The following DAB1 variants were observed in gnomAD, a reference collection of about 807,000 sequenced individuals.
DAB1 encodes the protein disabled homolog 1.
Under a neutral mutation model 64.6 loss-of-function variants are expected in DAB1, and 15 were observed. The observed-to-expected ratio is 0.23, with a 90% CI of 0.16 to 0.36. DAB1 has a LOEUF of 0.36. DAB1 is among the 10% of genes least tolerant of loss of function. DAB1 has a pLI of 1.00. For synonymous variants in DAB1, 235 were observed against 251.9 expected (o/e 0.93, Z 0.64); for missense variants, 596 against 706.7 (o/e 0.84, Z 1.78).
chr1:58,506,303 A>G, intron 2 of DAB1: 1 of 664,930 alleles, frequency 1.5e-6, no homozygotes, highest in Non-Finnish European at 2.6e-6. Context: ...TATTATAATT[A>G]TACTTTAAGT....
intron 5 of DAB1, among the ~76,000 whole-genome samples, chr1:58,031,462 A>G (rs1354169542): frequency 6.6e-6 from 1 of 152,154 alleles, no homozygotes; most frequent in Non-Finnish European, 1.5e-5. Flanking sequence ...CTGAAATAAG[A>G]ATCTTCAGTG....
intron 2 of DAB1, among the ~76,000 whole-genome samples, chr1:57,248,010 TC>T (rs1239734966): frequency 6.6e-6 from 1 of 152,186 alleles, no homozygotes; most frequent in Non-Finnish European, 1.5e-5. Context: ...TATACAGTCA[TC>T]ACTTGGTATC....
At chr1:57,544,113 T>C (rs1456050845) in intron 7 of DAB1, among the ~76,000 whole-genome samples, 1 of 152,104 alleles carries the variant, frequency 6.6e-6, no homozygotes, top group Non-Finnish European at 1.5e-5. Flanking sequence ...ACTTCATCTC[T>C]AAAAATAAAA....
intron 4 of DAB1, among the ~76,000 whole-genome samples, chr1:58,297,665 G>T (rs1396103674): frequency 6.6e-6 from 1 of 152,160 alleles, no homozygotes; most frequent in Admixed American, 6.5e-5. Flanking sequence ...TGTTAAAATA[G>T]AAATCCTAGT....
chr1:58,374,515 C>T lies in DAB1; in HGVS notation n.258-31112G>A, dbSNP rs542494206. 3.3e-5 allele frequency among the ~76,000 whole-genome samples: 5 copies of T among 151,628 alleles called. No homozygotes were observed. In the East Asian group the frequency reaches 7.8e-4, roughly 24 times the overall value. On this transcript the variant is annotated intron_variant and non_coding_transcript_variant, in intron 3 of 20. Transcript: ENST00000485760. ...AGGTAAGCAGCGTTATTTCTGAGGGCTCTGTTCTGTTCCATTGATCTATAT... is the reference window on the plus strand; with the variant it reads ...AGGTAAGCAGCGTTATTTCTGAGGGTTCTGTTCTGTTCCATTGATCTATAT...
Position 57,505,281 on chromosome 1 carries a change from T to G in DAB1, n.625+144311A>C, listed in dbSNP as rs1464686232. Among the ~76,000 whole-genome samples, 5 of 152,340 alleles carry G rather than the reference T, an allele frequency of 3.3e-5. No homozygotes were observed. The South Asian group carries it at 6.2e-4, about 19-fold the overall frequency. ...AGTATCCATTACATCGCAGCCACAC[T>G]GTGGGGTGCTTTTTACTCATTAGCT... On this transcript the variant is annotated intron_variant and non_coding_transcript_variant, in intron 7 of 20. Transcript: ENST00000485760.
chr1:58,214,868 T>C (rs974083681), intron 4 of DAB1, among the ~76,000 whole-genome samples: 6 of 152,162 alleles, frequency 3.9e-5, no homozygotes, highest in Non-Finnish European at 7.4e-5. Flanking sequence ...ATGGTGCTCT[T>C]TGGCCTCTAC....
chr1:57,422,854 AAAAAAC>A (rs905949242), intron 1 of DAB1, among the ~76,000 whole-genome samples: 10 of 152,242 alleles, frequency 6.6e-5, no homozygotes, highest in African/African-American at 2.4e-4. Context: ...CAGCACCACC[AAAAAAC>A]AAAAACAGAG....
intron 7 of DAB1, among the ~76,000 whole-genome samples, chr1:57,467,259 A>G (rs17115834): frequency 0.064 from 9,702 of 152,214 alleles, 967 homozygotes; most frequent in African/African-American, 0.21. Context: ...CAGTCTATGA[A>G]TCTAAGATGA....
intron 4 of DAB1, among the ~76,000 whole-genome samples, chr1:57,081,083 T>C (rs1652491874): frequency 6.6e-6 from 1 of 152,210 alleles, no homozygotes; most frequent in African/African-American, 2.4e-5. Flanking sequence ...TGTGCTGTCC[T>C]GTCCCCATTT....
intron 1 of DAB1, among the ~76,000 whole-genome samples, chr1:57,366,188 G>T (rs1461580103): frequency 6.6e-6 from 1 of 152,132 alleles, no homozygotes; most frequent in African/African-American, 2.4e-5. Context: ...TATCATGATA[G>T]CTATGGATTT....
chr1:57,614,378 T>C (rs1451409439), intron 7 of DAB1, among the ~76,000 whole-genome samples: 1 of 152,202 alleles, frequency 6.6e-6, no homozygotes, highest in Admixed American at 6.5e-5. Context: ...GTCATTATTA[T>C]TGCAACTTGG....
chr1:57,375,820 G>A (rs74779696), intron 1 of DAB1, among the ~76,000 whole-genome samples: 2,206 of 152,262 alleles, frequency 0.014, 36 homozygotes, highest in African/African-American at 0.043. Flanking sequence ...ACAGTGCCTG[G>A]CAAACAGTAG....
In DAB1 at chr1:58,066,677, G is replaced by A. The variant is rs148402452; in HGVS notation, n.387+83834C>T. On this transcript the variant is annotated intron_variant and non_coding_transcript_variant, in intron 5 of 20. Transcript: ENST00000485760. ...TTCAAATTCAGGCATCTGGGCTCTC[G>A]GGTGGCACCTCTGACTATTGCACTG... Among the ~76,000 whole-genome samples the A allele has an allele frequency of 6.1e-3, 933 of 152,196 alleles. 3 individuals are homozygous for A. Among genetic ancestry groups the A allele is most frequent in the African/African-American group, 0.021 (869 of 41,514 alleles).
intron 6 of DAB1, among the ~76,000 whole-genome samples, chr1:57,740,257 A>C (rs908251903): frequency 6.6e-6 from 1 of 152,154 alleles, no homozygotes; most frequent in African/African-American, 2.4e-5. Context: ...CCACATAAAA[A>C]TAATCTCATA....
chr1:58,467,796 T>C (rs866666354), intron 3 of DAB1: 1 of 152,258 alleles, frequency 6.6e-6, no homozygotes, highest in Admixed American at 6.5e-5. Flanking sequence ...GTAGGTATAA[T>C]GAACAACTGT....
chr1:57,710,007 TG>T (rs1353467089), intron 6 of DAB1, among the ~76,000 whole-genome samples: 1 of 152,142 alleles, frequency 6.6e-6, no homozygotes, highest in Non-Finnish European at 1.5e-5. Flanking sequence ...AGAAATGATT[TG>T]GGGGCTGCTT....
intron 4 of DAB1, among the ~76,000 whole-genome samples, chr1:58,327,770 C>T (rs1484674546): frequency 6.6e-6 from 1 of 152,058 alleles, no homozygotes; most frequent in East Asian, 1.9e-4. Flanking sequence ...ACCAGCCTGG[C>T]CAACATAGTG....
intron 1 of DAB1, among the ~76,000 whole-genome samples, chr1:57,379,692 C>T (rs903442295): frequency 1.2e-4 from 18 of 152,186 alleles, no homozygotes; most frequent in African/African-American, 4.1e-4. Context: ...TAACAACTTT[C>T]TCCCAAATCA....
Sources: allele counts gnomAD v4.1 joint callset (sites outside exome capture counted in the v4.1 genomes callset), GRCh38; gene constraint gnomAD v4.1.1; transcripts MANE v1.5; gene names NCBI Gene and HGNC (gene_info 2026-07-23, HGNC 2026-07-21).